DECR2: variants seen among roughly 807,000 people sequenced by gnomAD.
The protein encoded by DECR2 is 2,4-dienoyl-CoA reductase 2.
Under a neutral mutation model 29.2 loss-of-function variants are expected in DECR2, and 34 were observed. The ratio of observed to expected loss-of-function variants is 1.16; its 90% CI spans 0.89 to 1.55. The LOEUF is 1.55. Ranked by LOEUF, DECR2 falls within the 40% of genes most tolerant of loss-of-function variation. The pLI, the probability that DECR2 is intolerant of heterozygous loss-of-function variation, is 0.00. For missense variants in DECR2, 485 were observed against 425.3 expected, an observed-to-expected ratio of 1.14 and a Z score of -1.23; for synonymous variants, 224 against 182.7, an observed-to-expected ratio of 1.23 and a Z score of -1.82.
chr16:407,913 CCGGCCCCA>C, intron 4 of DECR2, among the ~76,000 whole-genome samples: 1 of 144,384 alleles, frequency 6.9e-6, no homozygotes, highest in African/African-American at 2.6e-5. Flanking sequence ...GCCTCTGTCT[CCGGCCCCA>C]TCTCCGGCCC....
At position 407,554 on chromosome 16, in the gene DECR2, A is replaced by G. The variant is rs754566704; in HGVS notation, c.331A>G (p.Ile111Val). 1.6e-5 allele frequency: 26 copies of G among 1,613,200 alleles called. No individual in the cohort carries two copies. Among genetic ancestry groups the G allele is most frequent in the Admixed American group, 1.0e-4 (6 of 59,972 alleles). ...LKEFGRIDIL[I>V]NCAAGNFLCP... is the part of the protein sequence containing the mutation. Reference sequence around the variant, plus strand: ...GGAGTTTGGCAGAATCGACATTCTCATTAACTGTGAGTCGGTGCTGAGTGA... The same window carrying G: ...GGAGTTTGGCAGAATCGACATTCTCGTTAACTGTGAGTCGGTGCTGAGTGA... The change falls in exon 4 of 9, where the codon ATT (isoleucine) becomes GTT (valine). Residue 111 changes from isoleucine (I) to valine (V), a missense_variant. Ile to Val is a conservative substitution (Grantham distance 29). Coordinates refer to ENST00000219481, the MANE Select transcript of DECR2 (RefSeq NM_020664.4).
chr16:406,052 G>C (rs1282492116), intron 2 of DECR2, among the ~76,000 whole-genome samples: 1 of 152,246 alleles, frequency 6.6e-6, no homozygotes, highest in Non-Finnish European at 1.5e-5. Flanking sequence ...GCAGGCCCCA[G>C]GCAGATGTGT....
rs779503831 is a variant in DECR2 at position 410,657 on chromosome 16, G to T, written c.463-34G>T. 6.4e-7 allele frequency: 1 copy of T among 1,561,026 alleles called. No homozygotes were observed. Among genetic ancestry groups the T allele is most frequent in the Admixed American group, 1.9e-5 (1 of 53,352 alleles). On this transcript the variant is annotated intron_variant, in intron 5 of 8. Transcript: ENST00000219481. The surrounding 1 kb of genome is among the most constrained non-coding windows in gnomAD (Gnocchi z 4.1). ...TGTCCTGTGACCTCCCCCGACACCC[G>T]CCCGCTCACTGCCCCGGGCCTTGTG...
At chr16:403,053 A>G (rs2054686024) in intron 1 of DECR2, 3 of 637,824 alleles carry the variant, frequency 4.7e-6, no homozygotes, top group African/African-American at 4.0e-5. Context: ...GTTCTGCAGG[A>G]AAAAAAAAAA....
rs773108950 is a variant in DECR2, at chr16:401,977, C to T, written c.14C>T (p.Pro5Leu). Residue 5 changes from proline (P) to leucine (L), a missense_variant, in exon 1 of 9, where the codon CCG becomes CTG. Transcript: ENST00000219481. ...GACGGGAGCGCCATGGCCCAGCCGC[C>T]GCCCGACGTGGAGGGGGACGACTGT... is the stretch of plus-strand genomic sequence containing the variant. MAQP[P>L]PDVEGDDCLP... 4.7e-6 allele frequency: 7 copies of T among 1,490,398 alleles called. No individual in the cohort carries two copies. Among genetic ancestry groups the T allele is most frequent in the Non-Finnish European group, 6.2e-6 (7 of 1,128,098 alleles). 92.3% of individuals were successfully genotyped at this position (1,490,398 alleles called of 1,614,324 possible). A position where few individuals can be genotyped will look rare whatever the true frequency, so the allele number is the denominator to read the frequency against.
At chr16:406,292 C>CT (rs2054722662) in intron 2 of DECR2, 54 bp from the exon 3 acceptor site, 7 of 1,434,266 alleles carry the variant, frequency 4.9e-6, no homozygotes, top group Non-Finnish European at 6.4e-6. Flanking sequence ...TGGGCAGATG[C>CT]CCCGGGAGTG....
chr16:407,205 A>T (rs766061532), intron 3 of DECR2: 6 of 1,375,530 alleles, frequency 4.4e-6, no homozygotes, highest in Middle Eastern at 2.7e-4. Context: ...CAGAGGGAGG[A>T]TTCTAGGACA....
rs190511682 is a variant in DECR2 at position 407,960 on chromosome 16, T to C, written c.337+400T>C. ...GTCTCCGGGCCCCTGTCTCCAGGCC[T>C]CTGTCTCCGGCCCCCTGTCTCCGGG... On this transcript the variant is annotated intron_variant, in intron 4 of 8. Transcript: ENST00000219481. Among the ~76,000 whole-genome samples the C allele has an allele frequency of 3.2e-3, 81 of 25,460 alleles. 14 individuals are homozygous for C. Among genetic ancestry groups the C allele is most frequent in the East Asian group, 6.7e-3 (5 of 744 alleles). 16.7% of individuals were successfully genotyped at this position (25,460 alleles called of 152,430 possible).
chr16:402,082 G>T (rs920332374), intron 1 of DECR2, 39 bp downstream of exon 1: 3 of 1,309,660 alleles, frequency 2.3e-6, no homozygotes, highest in Non-Finnish European at 2.9e-6. Context: ...CCTTGGTGCG[G>T]GGTCCGGTCC....
chr16:404,921 G>A (rs1409083220), intron 1 of DECR2, 35 bp from the exon 2 acceptor site: 2 of 1,612,820 alleles, frequency 1.2e-6, no homozygotes, highest in Admixed American at 1.7e-5. Context: ...GGCCCAATAG[G>A]GCTCTTTTAA....
rs1447465750 is a variant in DECR2 at position 411,984 on chromosome 16, A to T, written c.*95A>T. On this transcript the variant is annotated 3_prime_UTR_variant, in exon 9 of 9. Coordinates refer to ENST00000219481, the MANE Select transcript of DECR2 (RefSeq NM_020664.4). ...GCCTGCAGCCCAGCCCCTCCTCTGA[A>T]CACTCAGCTATTACTGCGCTTTCCC... The T allele has an allele frequency of 5.4e-6, 1 of 186,590 alleles. No individual in the cohort carries two copies. The highest frequency in any genetic ancestry group is 1.1e-5 in the Non-Finnish European group (1 of 91,136). 11.6% of individuals were successfully genotyped at this position (186,590 alleles called of 1,614,324 possible). A position where few individuals can be genotyped will look rare whatever the true frequency, so the allele number is the denominator to read the frequency against.
rs748547847 is a variant in DECR2 at position 411,626 on chromosome 16, T to C, written c.*48T>C. 5.1e-6 allele frequency: 8 copies of C among 1,566,998 alleles called. No homozygotes were observed. The Admixed American group carries it at 1.2e-4, about 24-fold the overall frequency. ...TGGGGTCATCTGTGTCCTTGGACGC[T>C]GGTCACTGCATGGGCAGGTCTCTGC... On this transcript the variant is annotated intron_variant, in intron 8 of 8. Transcript: ENST00000219481.
Position 407,474 on chromosome 16 carries a change from C to G in DECR2, c.251C>G (p.Ser84Cys). Residue 84 changes from serine (S) to cysteine (C), a missense_variant, in exon 4 of 9, where the codon TCT becomes TGT. Coordinates refer to ENST00000219481, the MANE Select transcript of DECR2 (RefSeq NM_020664.4). ...GATGRRCLPL[S>C]MDVRAPPAVM... Reference sequence around the variant, plus strand: ...ACCGGCCGGCGCTGCCTCCCTCTCTCTATGGACGTCCGAGCGCCCCCAGCT... The same window carrying G: ...ACCGGCCGGCGCTGCCTCCCTCTCTGTATGGACGTCCGAGCGCCCCCAGCT... The G allele has an allele frequency of 7.4e-6, 12 of 1,613,616 alleles. No individual in the cohort carries two copies. The highest frequency in any genetic ancestry group is 1.0e-5 in the Non-Finnish European group (12 of 1,179,914).
rs748712724 is a variant in DECR2 at position 407,454 on chromosome 16, C to T, written c.231C>T (p.Gly77=). 1.9e-6 allele frequency: 3 copies of T among 1,611,604 alleles called. No individual in the cohort carries two copies. The highest frequency in any genetic ancestry group is 4.5e-5 in the East Asian group (2 of 44,870). The part of the protein sequence containing the change: ...TAARKLAGAT[G]RRCLPLSMDV... ...CCAGGAAGCTGGCTGGGGCCACCGG[C>T]CGGCGCTGCCTCCCTCTCTCTATGG... Residue 77 remains glycine, a synonymous_variant, in exon 4 of 9, where the codon GGC becomes GGT. Coordinates refer to ENST00000219481, the MANE Select transcript of DECR2 (RefSeq NM_020664.4).
chr16:406,777 G>A (rs1440453627), intron 3 of DECR2: 2 of 729,824 alleles, frequency 2.7e-6, no homozygotes, highest in East Asian at 9.0e-5. Context: ...CAGGATTACA[G>A]GTGTGAACCA....
intron 3 of DECR2, 136 bp downstream of exon 3, chr16:406,533 T>C (rs1282075241): frequency 1.2e-5 from 10 of 827,934 alleles, no homozygotes; most frequent in Admixed American, 2.4e-5. Context: ...AGTCTCGCTC[T>C]GTCACCCAGG....
At chr16:408,794 A>C (rs2054774768) in intron 4 of DECR2, among the ~76,000 whole-genome samples, 1 of 151,308 alleles carries the variant, frequency 6.6e-6, no homozygotes, top group Admixed American at 6.6e-5. Context: ...TGGGATTACA[A>C]GCAAGAGTCA....
chr16:407,472 CTCTA>C lies in DECR2; in HGVS notation c.251_254del (p.Ser84TrpfsTer17). 6.2e-7 allele frequency: 1 copy of C among 1,613,614 alleles called. No individual in the cohort carries two copies. Among genetic ancestry groups the C allele is most frequent in the Non-Finnish European group, 8.5e-7 (1 of 1,179,928 alleles). On this transcript the variant is annotated frameshift_variant, in exon 4 of 9. Coordinates refer to ENST00000219481, the MANE Select transcript of DECR2 (RefSeq NM_020664.4). LOFTEE classifies it high-confidence loss of function. ...CCACCGGCCGGCGCTGCCTCCCTCTCTCTATGGACGTCCGAGCGCCCCCAGCTGT... is the reference window on the plus strand; with the variant it reads ...CCACCGGCCGGCGCTGCCTCCCTCTCTGGACGTCCGAGCGCCCCCAGCTGT...
At chr16:411,706 G>C in intron 8 of DECR2, 128 bp downstream of exon 8, 1 of 1,035,342 alleles carries the variant, frequency 9.7e-7, no homozygotes, top group Non-Finnish European at 1.4e-6. Flanking sequence ...CCCTGCGCCA[G>C]CCTGCCCACA....
Sources: allele counts gnomAD v4.1 joint callset (sites outside exome capture counted in the v4.1 genomes callset), GRCh38; gene constraint gnomAD v4.1.1; non-coding constraint Gnocchi (gnomAD v3.1); transcripts MANE v1.5; gene names NCBI Gene and HGNC (gene_info 2026-07-23, HGNC 2026-07-21).